UVSSA: variants seen among roughly 807,000 people sequenced by gnomAD.
UVSSA encodes the protein UV stimulated scaffold protein A, also known as UV-stimulated scaffold protein A.
UVSSA carries 72 observed loss-of-function variants against 73.9 expected under a neutral mutation model. That is an observed-to-expected ratio of 0.97 (90% CI 0.81 to 1.19). The LOEUF is 1.19. UVSSA is among the 50% of genes most tolerant of loss of function. The probability of loss-of-function intolerance (pLI) is 0.00; values close to 1 mark genes in which losing one functional copy is unlikely to be tolerated. For synonymous variants in UVSSA, 454 were observed against 391.3 expected (o/e 1.16, Z -1.89); for missense variants, 1,150 against 965.0 (o/e 1.19, Z -2.54).
intron 3 of UVSSA, among the ~76,000 whole-genome samples, chr4:1,350,702 G>A (rs924418669): frequency 6.6e-6 from 1 of 152,040 alleles, no homozygotes; most frequent in Non-Finnish European, 1.5e-5. Context: ...AGCCGAGGCT[G>A]GTGGATCACC....
intron 10 of UVSSA, among the ~76,000 whole-genome samples, chr4:1,379,746 G>C (rs116264047): frequency 6.7e-6 from 1 of 149,414 alleles, no homozygotes; most frequent in Middle Eastern, 3.2e-3. Flanking sequence ...CCGTGGTCGC[G>C]CGGCTGGTTC....
At position 1,360,081 on chromosome 4, in the gene UVSSA, C is replaced by T. The variant is rs191493544; in HGVS notation, c.1176+4836C>T. ...GCGCTGCTGGGAAACCTTGTACCGC[C>T]CTAGGGCTGGGAAACAACCTTCCTG... On this transcript the variant is annotated intron_variant, in intron 7 of 13. Coordinates refer to ENST00000389851, the MANE Select transcript of UVSSA (RefSeq NM_020894.4). 1.4e-4 allele frequency among the ~76,000 whole-genome samples: 21 copies of T among 152,360 alleles called. No individual in the cohort carries two copies. In the East Asian group the frequency reaches 3.7e-3, roughly 27 times the overall value.
At chr4:1,351,461 C>T (rs1216755998) in intron 3 of UVSSA, among the ~76,000 whole-genome samples, 2 of 151,578 alleles carry the variant, frequency 1.3e-5, no homozygotes, top group African/African-American at 4.9e-5. Context: ...TCTTGGCTCA[C>T]TGCAAGCTCC....
intron 5 of UVSSA, among the ~76,000 whole-genome samples, chr4:1,353,636 A>G (rs1441081285): frequency 6.6e-6 from 1 of 152,160 alleles, no homozygotes; most frequent in Admixed American, 6.5e-5. Context: ...CTAAGAGCTC[A>G]TGGCAGCCCC....
At chr4:1,392,346 A>G (rs1280479075), downstream of UVSSA, 1 of 152,248 alleles carries the variant, frequency 6.6e-6, no homozygotes, top group Non-Finnish European at 1.5e-5. Context: ...GTACAAACAG[A>G]AATGAGTTTC....
chr4:1,350,583 C>T (rs1352451495), intron 3 of UVSSA, among the ~76,000 whole-genome samples: 1 of 152,206 alleles, frequency 6.6e-6, no homozygotes, highest in Admixed American at 6.5e-5. Flanking sequence ...AGCAGACGTG[C>T]TGGCTTTCCC....
At chr4:1,369,141 G>A (rs371955727) in intron 8 of UVSSA, among the ~76,000 whole-genome samples, 2,331 of 152,072 alleles carry the variant, frequency 0.015, 68 homozygotes, top group African/African-American at 0.051. Context: ...CCGTTCTGCC[G>A]TCAGCCTTGA....
chr4:1,353,229 G>C lies in UVSSA; in HGVS notation c.750G>C (p.Gln250His). 6.2e-7 allele frequency: 1 copy of C among 1,612,092 alleles called. No individual in the cohort carries two copies. The highest frequency in any genetic ancestry group is 1.1e-5 in the South Asian group (1 of 91,056). The change falls in exon 5 of 14, where the codon CAG (glutamine) becomes CAC (histidine). Residue 250 changes from glutamine (Q) to histidine (H), a missense_variant. Gln to His is a conservative substitution (Grantham distance 24). Coordinates refer to ENST00000389851, the MANE Select transcript of UVSSA (RefSeq NM_020894.4). ...CCCCTGACCCCCGGGACGGGGAGCA[G>C]CCCTGCTGCAGTAGAGACCTGCCTG... ...SGTPDPRDGE[Q>H]PCCSRDLPAS...
chr4:1,371,922 G>A (rs1278431304), intron 8 of UVSSA, among the ~76,000 whole-genome samples: 1 of 152,170 alleles, frequency 6.6e-6, no homozygotes, highest in African/African-American at 2.4e-5. Flanking sequence ...TTCCCTAACA[G>A]CCACTTCCCA....
intron 12 of UVSSA, among the ~76,000 whole-genome samples, chr4:1,381,605 A>G (rs1719511075): frequency 6.6e-6 from 1 of 151,156 alleles, no homozygotes; most frequent in Non-Finnish European, 1.5e-5. Flanking sequence ...CCCACCCTGC[A>G]TATCTGTTTT....
chr4:1,375,946 A>G, intron 9 of UVSSA, 88 bp from the exon 10 acceptor site: 2 of 1,532,808 alleles, frequency 1.3e-6, no homozygotes, highest in Non-Finnish European at 1.8e-6. Context: ...CCGAGGCCCC[A>G]GCCTTGCTGT....
chr4:1,394,515 C>T, exon 14 of UVSSA: 1 of 1,602,140 alleles, frequency 6.2e-7, no homozygotes, highest in South Asian at 1.1e-5. Flanking sequence ...ACCTCTTATG[C>T]ATGAGCCCTC....
intron 7 of UVSSA, chr4:1,356,453 T>G (rs1715778484): frequency 6.6e-6 from 1 of 152,252 alleles, no homozygotes; most frequent in Non-Finnish European, 1.5e-5. Context: ...TATAGACATG[T>G]GGGAGCCCAC....
In UVSSA at chr4:1,372,750, T is replaced by TCAGG. The variant is rs1560468814; in HGVS notation, c.1289-2614_1289-2613insCAGG. 1.5e-4 allele frequency among the ~76,000 whole-genome samples: 8 copies of TCAGG among 53,652 alleles called. 3 individuals are homozygous for TCAGG. The highest frequency in any genetic ancestry group is 2.6e-4 in the African/African-American group (6 of 23,460). The allele number at this position is 53,652 out of a possible 152,430, so 35.2% of individuals were successfully genotyped here. A position where few individuals can be genotyped will look rare whatever the true frequency, so the allele number is the denominator to read the frequency against. ...ACTCAGCACTCACCTCCCGCGTCCC[T>TCAGG]GCACTCACCTCCCGCGTCTCAGGGC... On this transcript the variant is annotated intron_variant, in intron 8 of 13. Transcript: ENST00000389851.
At chr4:1,394,339 T>A in exon 14 of UVSSA, 1 of 1,170,336 alleles carries the variant, frequency 8.5e-7, no homozygotes, top group Non-Finnish European at 1.2e-6. Context: ...TAGAATGCTC[T>A]TCCCCCTTAA....
In UVSSA at chr4:1,348,072, T is replaced by C; in HGVS notation, c.-2-18T>C. The C allele has an allele frequency of 1.3e-6, 2 of 1,586,954 alleles. No homozygotes were observed. The highest frequency in any genetic ancestry group is 1.7e-6 in the Non-Finnish European group (2 of 1,156,104). ...AATACAGATGGTGATATAGCATCTCTGCCTTACTTATTTCTAGATATGGAT... is the reference window on the plus strand; with the variant it reads ...AATACAGATGGTGATATAGCATCTCCGCCTTACTTATTTCTAGATATGGAT... On this transcript the variant is annotated intron_variant, in intron 1 of 13. Coordinates refer to ENST00000389851, the MANE Select transcript of UVSSA (RefSeq NM_020894.4).
At chr4:1,350,020 G>A (rs967040312) in intron 3 of UVSSA, among the ~76,000 whole-genome samples, 166 bp downstream of exon 3, 55 of 152,198 alleles carry the variant, frequency 3.6e-4, no homozygotes, top group African/African-American at 1.2e-3. Flanking sequence ...GTGGGAAAGA[G>A]GGCAGCATCT....
In UVSSA at chr4:1,385,982, G is replaced by A. The variant is rs764149025; in HGVS notation, c.*21G>A. On this transcript the variant is annotated 3_prime_UTR_variant, in exon 14 of 14. Coordinates refer to ENST00000389851, the MANE Select transcript of UVSSA (RefSeq NM_020894.4). ...ACTAGAGAGCGGGGCCCAGTGCACT[G>A]GCCATCAGCACTTTCTCCCTCTGCC... The A allele has an allele frequency of 2.2e-5, 35 of 1,612,876 alleles. No homozygotes were observed. The highest frequency in any genetic ancestry group is 2.8e-5 in the Non-Finnish European group (33 of 1,179,238).
intron 10 of UVSSA, among the ~76,000 whole-genome samples, chr4:1,377,717 A>C (rs1167103886): frequency 3.3e-5 from 5 of 151,996 alleles, no homozygotes. Context: ...GGACCCGGTT[A>C]GTCCTGGATG....
Sources: gnomAD v4.1 joint callset for allele counts (sites outside exome capture counted in the v4.1 genomes callset) on GRCh38, gnomAD v4.1.1 for gene constraint, MANE v1.5 for transcripts, NCBI Gene and HGNC (gene_info 2026-07-23, HGNC 2026-07-21) for gene names.